CDH12: variants seen among roughly 807,000 people sequenced by gnomAD.
CDH12 encodes the protein cadherin-12.
CDH12 carries 41 observed loss-of-function variants against 74.1 expected under a neutral mutation model. The observed-to-expected ratio is 0.55, with a 90% CI of 0.43 to 0.72. The LOEUF is 0.72. Among genes scored for constraint, CDH12 ranks in the 30% least tolerant of loss-of-function variants. The pLI is 0.00. For missense variants in CDH12, 945 were observed against 977.2 expected (o/e 0.97, Z 0.44); for synonymous variants, 399 against 355.0 (o/e 1.12, Z -1.39).
chr5:21,905,403 A>G (rs1457481767), intron 6 of CDH12, among the ~76,000 whole-genome samples: 2 of 152,240 alleles, frequency 1.3e-5, no homozygotes, highest in Admixed American at 6.5e-5. Context: ...ACTCTTGGGC[A>G]CTGGAAATAC....
chr5:22,610,991 C>G (rs532564516), intron 1 of CDH12, among the ~76,000 whole-genome samples: 2 of 152,188 alleles, frequency 1.3e-5, no homozygotes, highest in South Asian at 2.1e-4. Flanking sequence ...GACTTCATCC[C>G]CAAACTGTTA....
At chr5:22,803,469 C>A (rs73745213) in intron 1 of CDH12, among the ~76,000 whole-genome samples, 3,703 of 152,118 alleles carry the variant, frequency 0.024, 152 homozygotes, top group African/African-American at 0.086. Context: ...ATACCATTAT[C>A]CTACTCTTAA....
chr5:22,045,709 A>G (rs544777867), intron 5 of CDH12, among the ~76,000 whole-genome samples: 2 of 152,236 alleles, frequency 1.3e-5, no homozygotes, highest in East Asian at 1.9e-4. Context: ...CAAATCCTGC[A>G]TGATCTCACT....
chr5:22,462,365 C>G (rs1306913696), intron 2 of CDH12, among the ~76,000 whole-genome samples: 1 of 152,076 alleles, frequency 6.6e-6, no homozygotes, highest in Non-Finnish European at 1.5e-5. Context: ...CTGTGAAATG[C>G]TGGGATATAA....
chr5:22,712,960 C>T (rs1049910828), intron 1 of CDH12, among the ~76,000 whole-genome samples: 1 of 151,926 alleles, frequency 6.6e-6, no homozygotes, highest in Admixed American at 6.6e-5. Context: ...ATAATATAAT[C>T]AGCAATCCAC....
intron 1 of CDH12, chr5:22,580,553 A>C (rs1740036785): frequency 4.2e-6 from 2 of 473,516 alleles, no homozygotes; most frequent in Non-Finnish European, 8.7e-6. Context: ...GATGCTCATC[A>C]GGGCTGTATG....
At chr5:21,777,075 G>T (rs1745630111) in intron 11 of CDH12, among the ~76,000 whole-genome samples, 1 of 152,082 alleles carries the variant, frequency 6.6e-6, no homozygotes, top group African/African-American at 2.4e-5. Flanking sequence ...TGATCAAATT[G>T]TCACTCTGAT....
chr5:22,389,617 C>G (rs1046443391), intron 3 of CDH12, among the ~76,000 whole-genome samples: 8 of 151,288 alleles, frequency 5.3e-5, no homozygotes, highest in Non-Finnish European at 1.0e-4. Flanking sequence ...GAGGAGAATA[C>G]AGACATACAT....
At chr5:22,772,220 T>C (rs1266509700) in intron 1 of CDH12, among the ~76,000 whole-genome samples, 12 of 151,924 alleles carry the variant, frequency 7.9e-5, no homozygotes, top group African/African-American at 2.2e-4. Flanking sequence ...GAACTGGCCA[T>C]GGGAGGTTTT....
intron 5 of CDH12, among the ~76,000 whole-genome samples, chr5:22,034,216 G>A (rs1475243510): frequency 6.6e-6 from 1 of 152,142 alleles, no homozygotes; most frequent in African/African-American, 2.4e-5. Context: ...TATACCTTTA[G>A]TAGAGACCAG....
At chr5:21,868,729 C>A (rs1751463735) in intron 6 of CDH12, among the ~76,000 whole-genome samples, 1 of 152,166 alleles carries the variant, frequency 6.6e-6, no homozygotes, top group African/African-American at 2.4e-5. Context: ...AGGCTCACAA[C>A]TAAAGAGGAA....
At chr5:21,890,632 G>C (rs527437000) in intron 6 of CDH12, among the ~76,000 whole-genome samples, 4 of 152,074 alleles carry the variant, frequency 2.6e-5, no homozygotes, top group Non-Finnish European at 5.9e-5. Flanking sequence ...TAACAAACAA[G>C]GACCTGTCCT....
chr5:21,896,437 G>C (rs1342455202), intron 6 of CDH12, among the ~76,000 whole-genome samples: 1 of 152,110 alleles, frequency 6.6e-6, no homozygotes, highest in African/African-American at 2.4e-5. Flanking sequence ...TATTTCACAA[G>C]CTGTGACATG....
At chr5:21,777,521 C>G (rs1251257156) in intron 11 of CDH12, among the ~76,000 whole-genome samples, 1 of 124,408 alleles carries the variant, frequency 8.0e-6, no homozygotes, top group Non-Finnish European at 1.8e-5. Context: ...ATTGTTACCA[C>G]TAACATTTTT....
intron 10 of CDH12, among the ~76,000 whole-genome samples, chr5:21,796,086 C>T (rs930918691): frequency 7.2e-5 from 11 of 151,892 alleles, no homozygotes; most frequent in South Asian, 2.1e-4. Context: ...TTTTAAGTGA[C>T]GGGTTTTTGT....
chr5:21,987,437 T>C (rs1304823323), intron 5 of CDH12, among the ~76,000 whole-genome samples: 5 of 152,178 alleles, frequency 3.3e-5, no homozygotes, highest in African/African-American at 1.2e-4. Context: ...TAGCTGTATG[T>C]CTCAGAAACA....
At chr5:22,780,575 A>C (rs1289867093) in intron 1 of CDH12, among the ~76,000 whole-genome samples, 3 of 152,010 alleles carry the variant, frequency 2.0e-5, no homozygotes, top group Admixed American at 2.0e-4. Flanking sequence ...TCTTGTGAGA[A>C]CTCATTCACT....
chr5:22,063,156 A>G (rs1741309549), intron 5 of CDH12, among the ~76,000 whole-genome samples: 1 of 152,190 alleles, frequency 6.6e-6, no homozygotes, highest in South Asian at 2.1e-4. Flanking sequence ...CTGCAATGAA[A>G]GTGTAACTAT....
At chr5:22,205,343 AG>A (rs1358105250) in intron 4 of CDH12, among the ~76,000 whole-genome samples, 1 of 152,178 alleles carries the variant, frequency 6.6e-6, no homozygotes, top group African/African-American at 2.4e-5. Flanking sequence ...TAATGGGGAG[AG>A]GGGAGAAAAA....
Sources: allele counts gnomAD v4.1 joint callset (sites outside exome capture counted in the v4.1 genomes callset), GRCh38; gene constraint gnomAD v4.1.1; transcripts MANE v1.5; gene names NCBI Gene and HGNC (gene_info 2026-07-23, HGNC 2026-07-21).